Variants in MDFIC2 observed in about 807,000 individuals in gnomAD.
MDFIC2 encodes the protein myoD family inhibitor domain-containing protein 2.
At chr3:70,245,766 C>T (rs1701702347) in intron 2 of MDFIC2, among the ~76,000 whole-genome samples, 2 of 134,580 alleles carry the variant, frequency 1.5e-5, no homozygotes, top group Admixed American at 1.6e-4. Context: ...TGCTATTCTT[C>T]AAAAGGACAT....
chr3:70,252,656 A>G (rs1463171832), intron 2 of MDFIC2, among the ~76,000 whole-genome samples: 1 of 152,172 alleles, frequency 6.6e-6, no homozygotes, highest in African/African-American at 2.4e-5. Flanking sequence ...GTTCCAACTA[A>G]TTTCATCATT....
At chr3:70,304,143 A>T (rs753449430) in intron 2 of MDFIC2, among the ~76,000 whole-genome samples, 8 of 151,916 alleles carry the variant, frequency 5.3e-5, no homozygotes, top group Non-Finnish European at 1.2e-4. Flanking sequence ...AGCTCTCTAC[A>T]CTCATGGAAT....
intron 2 of MDFIC2, among the ~76,000 whole-genome samples, chr3:70,218,415 T>C (rs902319203): frequency 3.3e-5 from 5 of 152,076 alleles, no homozygotes; most frequent in Non-Finnish European, 5.9e-5. Context: ...AGCTTTACAG[T>C]AAAAAATCTG....
chr3:70,257,151 C>G (rs1237310540), intron 2 of MDFIC2, among the ~76,000 whole-genome samples: 2 of 152,174 alleles, frequency 1.3e-5, no homozygotes, highest in African/African-American at 4.8e-5. Flanking sequence ...TAATACATGT[C>G]ATGATTATCA....
At chr3:70,262,193 A>C (rs540827478) in intron 2 of MDFIC2, among the ~76,000 whole-genome samples, 4 of 152,344 alleles carry the variant, frequency 2.6e-5, no homozygotes, top group Admixed American at 6.5e-5. Flanking sequence ...AGATGAAAGA[A>C]CAAAAATCAT....
At chr3:70,267,240 A>G (rs1313206102) in intron 2 of MDFIC2, among the ~76,000 whole-genome samples, 1 of 152,150 alleles carries the variant, frequency 6.6e-6, no homozygotes, top group Non-Finnish European at 1.5e-5. Context: ...TACGAAGGGC[A>G]GAATGCAAAA....
chr3:70,273,753 T>G (rs532706881), intron 2 of MDFIC2, among the ~76,000 whole-genome samples: 1 of 152,194 alleles, frequency 6.6e-6, no homozygotes, highest in Admixed American at 6.5e-5. Flanking sequence ...TTTTCAGATT[T>G]GTTTAGCAGT....
chr3:70,252,832 C>T (rs1701781924), intron 2 of MDFIC2, among the ~76,000 whole-genome samples: 1 of 152,104 alleles, frequency 6.6e-6, no homozygotes, highest in South Asian at 2.1e-4. Flanking sequence ...GTAATCCCAG[C>T]ACTTTGGGAG....
At chr3:70,245,312 C>G (rs1396467182) in intron 2 of MDFIC2, among the ~76,000 whole-genome samples, 1 of 151,892 alleles carries the variant, frequency 6.6e-6, no homozygotes, top group Non-Finnish European at 1.5e-5. Context: ...TAACATTTTC[C>G]TCTCTCATTG....
At chr3:70,211,423 GCCCTTCCCTTCCCTTCCCTT>G (rs142100552) in intron 2 of MDFIC2, among the ~76,000 whole-genome samples, 20 of 7,196 alleles carry the variant, frequency 2.8e-3, no homozygotes, top group Non-Finnish European at 6.3e-3. Flanking sequence ...CCTTCCCTTT[GCCCTTCCCTTCCCTTCCCTT>G]CCTTTCCCTT....
At chr3:70,206,150 A>C (rs148606372) in intron 3 of MDFIC2, among the ~76,000 whole-genome samples, 1 of 152,056 alleles carries the variant, frequency 6.6e-6, no homozygotes, top group African/African-American at 2.4e-5. Flanking sequence ...AGATGTAAAC[A>C]TCTTAATTTT....
intron 2 of MDFIC2, among the ~76,000 whole-genome samples, chr3:70,290,164 T>C (rs1173871648): frequency 2.6e-5 from 4 of 152,144 alleles, no homozygotes; most frequent in African/African-American, 9.7e-5. Flanking sequence ...AGTTTTTCTG[T>C]TCTGTTTTTT....
At chr3:70,230,216 A>G (rs181810680) in intron 2 of MDFIC2, among the ~76,000 whole-genome samples, 95 of 152,328 alleles carry the variant, frequency 6.2e-4, no homozygotes, top group African/African-American at 2.1e-3. Context: ...AGATACCATA[A>G]TTTACATTGG....
chr3:70,207,254 T>A (rs1490174992), intron 2 of MDFIC2, among the ~76,000 whole-genome samples: 2 of 152,026 alleles, frequency 1.3e-5, no homozygotes, highest in Non-Finnish European at 2.9e-5. Flanking sequence ...TTTCCTCCTC[T>A]GTAAAAAGAA....
chr3:70,199,612 G>A (rs1417443509), intron 3 of MDFIC2, among the ~76,000 whole-genome samples: 1 of 152,130 alleles, frequency 6.6e-6, no homozygotes, highest in East Asian at 1.9e-4. Context: ...TAAAAGGCAT[G>A]TTAAATAGTT....
At chr3:70,220,921 G>A (rs773695797) in intron 2 of MDFIC2, among the ~76,000 whole-genome samples, 7 of 152,148 alleles carry the variant, frequency 4.6e-5, no homozygotes, top group Non-Finnish European at 7.4e-5. Flanking sequence ...TTAGCACAGG[G>A]CTTGGCGTAA....
chr3:70,264,891 A>C (rs1701901576), intron 2 of MDFIC2, among the ~76,000 whole-genome samples: 1 of 152,196 alleles, frequency 6.6e-6, no homozygotes, highest in South Asian at 2.1e-4. Context: ...TTTATACAGG[A>C]AAGACGATTA....
chr3:70,254,570 T>C (rs1182276704), intron 2 of MDFIC2, among the ~76,000 whole-genome samples: 1 of 152,090 alleles, frequency 6.6e-6, no homozygotes, highest in Non-Finnish European at 1.5e-5. Context: ...TCCCTAATGG[T>C]GAGGTGGCAG....
intron 2 of MDFIC2, among the ~76,000 whole-genome samples, chr3:70,234,252 G>C (rs1003786416): frequency 2.0e-5 from 3 of 152,106 alleles, no homozygotes; most frequent in African/African-American, 7.2e-5. Context: ...AAATACATTT[G>C]TTTATTTTTT....
Sources: gnomAD v4.1 joint callset for allele counts (sites outside exome capture counted in the v4.1 genomes callset) on GRCh38, gnomAD v4.1.1 for gene constraint, MANE v1.5 for transcripts, NCBI Gene and HGNC (gene_info 2026-07-23, HGNC 2026-07-21) for gene names.